The following MEGF11 variants were observed in gnomAD, a reference collection of about 807,000 sequenced individuals.
MEGF11 encodes the protein multiple EGF like domains 11, also known as multiple epidermal growth factor-like domains protein 11.
A neutral mutation model predicts 146.6 loss-of-function variants in MEGF11; 126 were observed. The observed-to-expected ratio is 0.86, with a 90% CI of 0.74 to 1.00. MEGF11 has a LOEUF of 1.00. Ranked by LOEUF, MEGF11 falls within the 50% of genes least tolerant of loss-of-function variation. The pLI is 0.00. For missense variants in MEGF11, 1,509 were observed against 1,521.2 expected (o/e 0.99, Z 0.13); for synonymous variants, 532 against 583.4 (o/e 0.91, Z 1.27).
chr15:65,936,358 T>G (rs563180207), intron 10 of MEGF11, among the ~76,000 whole-genome samples: 184 of 152,322 alleles, frequency 1.2e-3, no homozygotes, highest in African/African-American at 4.3e-3. Flanking sequence ...CATGTCTAGA[T>G]TCTCAGAGCT....
intron 5 of MEGF11, among the ~76,000 whole-genome samples, chr15:66,019,019 CAGTG>C (rs2082999724): frequency 6.6e-6 from 1 of 152,234 alleles, no homozygotes; most frequent in African/African-American, 2.4e-5. Context: ...GTCCATCTGA[CAGTG>C]AGGCCCATCA....
chr15:66,228,346 C>G (rs1337702141), intron 1 of MEGF11, among the ~76,000 whole-genome samples: 1 of 152,094 alleles, frequency 6.6e-6, no homozygotes, highest in East Asian at 1.9e-4. Context: ...GGAGCCAGCC[C>G]TCCACAGACA....
chr15:66,174,116 C>T (rs1314276794), intron 1 of MEGF11, among the ~76,000 whole-genome samples: 2 of 152,218 alleles, frequency 1.3e-5, no homozygotes, highest in African/African-American at 4.8e-5. Flanking sequence ...AATTATTTCA[C>T]AGGGATTGAG....
intron 10 of MEGF11, among the ~76,000 whole-genome samples, chr15:65,953,285 A>T (rs984490867): frequency 1.3e-5 from 2 of 152,254 alleles, no homozygotes; most frequent in African/African-American, 4.8e-5. Context: ...AGGAAGTTCC[A>T]TGTCAGGCAG....
At chr15:66,044,944 C>T (rs976373845) in intron 5 of MEGF11, among the ~76,000 whole-genome samples, 2 of 149,632 alleles carry the variant, frequency 1.3e-5, no homozygotes, top group Non-Finnish European at 3.0e-5. Context: ...CTTGTGTCCA[C>T]AGAACGAGGA....
chr15:66,082,033 G>A (rs967791134), intron 5 of MEGF11, among the ~76,000 whole-genome samples: 5 of 152,114 alleles, frequency 3.3e-5, no homozygotes, highest in South Asian at 2.1e-4. Context: ...TTGGACCTCC[G>A]AGCCTCCAGA....
intron 10 of MEGF11, among the ~76,000 whole-genome samples, chr15:65,932,320 A>G (rs1047129540): frequency 3.3e-5 from 5 of 152,114 alleles, no homozygotes; most frequent in South Asian, 2.1e-4. Flanking sequence ...GGCGATGTCT[A>G]TAGAGGGCCT....
chr15:66,041,117 G>C lies in MEGF11; in HGVS notation c.394+53285C>G, dbSNP rs957924247. Among the ~76,000 whole-genome samples, 5 of 152,150 alleles carry C rather than the reference G, an allele frequency of 3.3e-5. No individual in the cohort carries two copies. In the East Asian group the frequency reaches 9.6e-4, roughly 29 times the overall value. On this transcript the variant is annotated intron_variant, in intron 5 of 25. Transcript: ENST00000395614. ...ATGGCAAAAAGAACTCTTTGAGATG[G>C]GCAGGTTTGTTTTTCCCAATTGGTA...
In MEGF11 at chr15:66,239,837, G is replaced by A. The variant is rs182165872; in HGVS notation, c.-9+13768C>T. ...CCAACAGGGTCAGGTGATATGACCC[G>A]GAGGTGCAAGGGAGTTAATGCTCCA... On this transcript the variant is annotated intron_variant, in intron 1 of 25. Coordinates refer to ENST00000395614, the MANE Select transcript of MEGF11 (RefSeq NM_001385028.1). Among the ~76,000 whole-genome samples the A allele has an allele frequency of 1.6e-3, 246 of 152,302 alleles. 1 individual carries two copies. The highest frequency in any genetic ancestry group is 4.9e-3 in the African/African-American group (202 of 41,566).
At chr15:66,003,742 G>A (rs558657531) in intron 5 of MEGF11, among the ~76,000 whole-genome samples, 2 of 152,210 alleles carry the variant, frequency 1.3e-5, no homozygotes, top group African/African-American at 4.8e-5. Context: ...GGTGCATGAC[G>A]GCCTGGCATT....
intron 1 of MEGF11, among the ~76,000 whole-genome samples, chr15:66,247,678 C>T (rs770706497): frequency 6.6e-6 from 1 of 152,116 alleles, no homozygotes; most frequent in Non-Finnish European, 1.5e-5. Flanking sequence ...GAGTTTGAGG[C>T]TGCAGTGAGC....
At chr15:65,959,714 A>G (rs567174869) in intron 9 of MEGF11, among the ~76,000 whole-genome samples, 1 of 152,352 alleles carries the variant, frequency 6.6e-6, no homozygotes, top group East Asian at 1.9e-4. Flanking sequence ...TTAAATGATA[A>G]TAAATAATAT....
At chr15:66,161,256 C>T (rs929700317) in intron 1 of MEGF11, among the ~76,000 whole-genome samples, 2 of 152,174 alleles carry the variant, frequency 1.3e-5, no homozygotes, top group African/African-American at 4.8e-5. Context: ...ATGTAAGGGG[C>T]TATGCTTCTC....
intron 1 of MEGF11, among the ~76,000 whole-genome samples, chr15:66,167,594 G>T (rs534595650): frequency 6.6e-6 from 1 of 151,888 alleles, no homozygotes; most frequent in Non-Finnish European, 1.5e-5. Flanking sequence ...GCAGTGAGCC[G>T]AGATTGCGCC....
intron 24 of MEGF11, chr15:65,902,450 C>G (rs1428927396): frequency 6.6e-6 from 1 of 152,180 alleles, no homozygotes; most frequent in Non-Finnish European, 1.5e-5. Context: ...CCCATCTCTA[C>G]TGGGACTGGA....
chr15:66,090,379 A>G (rs923466484), intron 5 of MEGF11, among the ~76,000 whole-genome samples: 3 of 152,238 alleles, frequency 2.0e-5, no homozygotes, highest in African/African-American at 7.2e-5. Context: ...CAGGGCCACA[A>G]TCCAAAAATC....
At chr15:66,099,383 C>A (rs545945499) in intron 4 of MEGF11, among the ~76,000 whole-genome samples, 1 of 152,134 alleles carries the variant, frequency 6.6e-6, no homozygotes, top group Non-Finnish European at 1.5e-5. Context: ...CGGGGTTTCA[C>A]CATGTTGGCC....
intron 1 of MEGF11, among the ~76,000 whole-genome samples, chr15:66,157,540 A>G (rs1404257472): frequency 1.3e-5 from 2 of 152,192 alleles, no homozygotes; most frequent in Middle Eastern, 3.2e-3. Flanking sequence ...TATTCTCTTT[A>G]GCCCCACAGC....
At chr15:65,989,906 T>C (rs1378513912) in intron 5 of MEGF11, among the ~76,000 whole-genome samples, 5 of 152,228 alleles carry the variant, frequency 3.3e-5, no homozygotes, top group Non-Finnish European at 1.5e-5. Context: ...TTTAGAACTG[T>C]ATCCTGGCTG....
Sources: gnomAD v4.1 joint callset for allele counts (sites outside exome capture counted in the v4.1 genomes callset) on GRCh38, gnomAD v4.1.1 for gene constraint, MANE v1.5 for transcripts, NCBI Gene and HGNC (gene_info 2026-07-23, HGNC 2026-07-21) for gene names.